Variants in CDH19 observed in about 807,000 individuals in gnomAD.
CDH19 encodes cadherin-19.
Under a neutral mutation model 64.2 loss-of-function variants are expected in CDH19, and 67 were observed. The observed-to-expected ratio is 1.04, with a 90% CI of 0.86 to 1.28. The LOEUF is 1.28. Among genes scored for constraint, CDH19 ranks in the 50% most tolerant of loss-of-function variants. The pLI, the probability that CDH19 is intolerant of heterozygous loss-of-function variation, is 0.00. For missense variants in CDH19, 1,030 were observed against 929.0 expected (o/e 1.11, Z -1.41); for synonymous variants, 346 against 319.3 (o/e 1.08, Z -0.89).
intron 9 of CDH19, among the ~76,000 whole-genome samples, chr18:66,521,456 C>A (rs1225712216): frequency 6.6e-6 from 1 of 152,006 alleles, no homozygotes; most frequent in African/African-American, 2.4e-5. Flanking sequence ...GACAGAATGA[C>A]TTCTTCAGGA....
chr18:66,569,879 A>C (rs1231333618), intron 2 of CDH19, among the ~76,000 whole-genome samples: 2 of 151,640 alleles, frequency 1.3e-5, no homozygotes, highest in East Asian at 3.9e-4. Context: ...CTGATGGCTT[A>C]AGTTATAATT....
chr18:66,531,677 T>G (rs1258088891), intron 8 of CDH19, among the ~76,000 whole-genome samples: 1 of 152,106 alleles, frequency 6.6e-6, no homozygotes, highest in Non-Finnish European at 1.5e-5. Context: ...GACTTGAGTT[T>G]GAATCTTGTT....
At chr18:66,589,359 C>A (rs1988677033) in intron 1 of CDH19, among the ~76,000 whole-genome samples, 1 of 151,542 alleles carries the variant, frequency 6.6e-6, no homozygotes, top group Non-Finnish European at 1.5e-5. Flanking sequence ...GAATTTCTAA[C>A]AGTATTTATT....
chr18:66,565,559 T>C (rs1410021869), intron 3 of CDH19, among the ~76,000 whole-genome samples: 1 of 151,882 alleles, frequency 6.6e-6, no homozygotes, highest in Non-Finnish European at 1.5e-5. Flanking sequence ...TAAATGGCCG[T>C]GGATATAGAA....
intron 8 of CDH19, among the ~76,000 whole-genome samples, chr18:66,531,171 G>C (rs1986431174): frequency 6.6e-6 from 1 of 151,310 alleles, no homozygotes; most frequent in Admixed American, 6.6e-5. Context: ...ACAGTCTAAG[G>C]TATCAGTATT....
intron 3 of CDH19, among the ~76,000 whole-genome samples, chr18:66,564,464 G>C (rs1340858257): frequency 6.6e-6 from 1 of 151,742 alleles, no homozygotes. Flanking sequence ...TAAAAATGAT[G>C]CCCTCAGTGA....
At chr18:66,571,047 G>A (rs985186884) in intron 2 of CDH19, among the ~76,000 whole-genome samples, 1 of 151,504 alleles carries the variant, frequency 6.6e-6, no homozygotes, top group Non-Finnish European at 1.5e-5. Flanking sequence ...AGTCTGAGTC[G>A]AAAATAAAAG....
intron 5 of CDH19, among the ~76,000 whole-genome samples, chr18:66,549,261 A>G (rs973069564): frequency 3.9e-5 from 6 of 152,172 alleles, no homozygotes; most frequent in African/African-American, 1.4e-4. Flanking sequence ...AAACTGAGAA[A>G]GGTAGTAGAA....
At chr18:66,532,766 T>A in intron 8 of CDH19, 1 of 449,518 alleles carries the variant, frequency 2.2e-6, no homozygotes, top group African/African-American at 2.0e-5. Flanking sequence ...TGTTCTAAGT[T>A]GTAGAACTAC....
rs147084243 is a variant in CDH19, at chr18:66,534,060, T to C, written c.1336+926A>G. Reference sequence around the variant, plus strand: ...AAAAATGAAAATTTGTTATCCAGTGTTATAAAAGCTTGTTCCAACAAGTTT... The same window carrying C: ...AAAAATGAAAATTTGTTATCCAGTGCTATAAAAGCTTGTTCCAACAAGTTT... On this transcript the variant is annotated intron_variant, in intron 8 of 11. Transcript: ENST00000262150. Among the ~76,000 whole-genome samples, 9 of 152,044 alleles carry C rather than the reference T, an allele frequency of 5.9e-5. No individual in the cohort carries two copies. The East Asian group carries it at 1.7e-3, about 29-fold the overall frequency.
chr18:66,563,121 T>C (rs1303180741), intron 3 of CDH19, among the ~76,000 whole-genome samples: 1 of 152,076 alleles, frequency 6.6e-6, no homozygotes, highest in African/African-American at 2.4e-5. Context: ...TGAAAAATTT[T>C]CCTATGCAGA....
intron 1 of CDH19, among the ~76,000 whole-genome samples, chr18:66,589,045 C>G (rs1349900005): frequency 6.6e-6 from 1 of 151,642 alleles, no homozygotes; most frequent in Non-Finnish European, 1.5e-5. Flanking sequence ...ATTTCATGAA[C>G]CTTCAAATAA....
chr18:66,558,103 C>T (rs990692370), intron 3 of CDH19, among the ~76,000 whole-genome samples: 1 of 150,630 alleles, frequency 6.6e-6, no homozygotes, highest in Non-Finnish European at 1.5e-5. Flanking sequence ...GACATAGCGC[C>T]ATTGCACTCC....
intron 1 of CDH19, among the ~76,000 whole-genome samples, chr18:66,585,076 C>A (rs766778782): frequency 6.6e-6 from 1 of 151,902 alleles, no homozygotes; most frequent in Non-Finnish European, 1.5e-5. Flanking sequence ...CCGTTGAATA[C>A]AAACATTAAA....
At chr18:66,505,909 A>G (rs539846821) in intron 11 of CDH19, among the ~76,000 whole-genome samples, 41 of 152,100 alleles carry the variant, frequency 2.7e-4, no homozygotes, top group African/African-American at 8.9e-4. Context: ...CCTATTATAG[A>G]TGAGAAAACT....
intron 3 of CDH19, among the ~76,000 whole-genome samples, chr18:66,560,021 G>A (rs932421355): frequency 6.6e-6 from 1 of 151,822 alleles, no homozygotes; most frequent in African/African-American, 2.4e-5. Context: ...TTTTTTGTTT[G>A]TTTGTTTCTT....
chr18:66,584,988 TAAAC>T (rs1249160678), intron 1 of CDH19, among the ~76,000 whole-genome samples: 1 of 152,050 alleles, frequency 6.6e-6, no homozygotes, highest in Admixed American at 6.6e-5. Context: ...AAAAGCACTG[TAAAC>T]ACTCTCAATA....
intron 1 of CDH19, among the ~76,000 whole-genome samples, chr18:66,590,969 A>AT (rs201867281): frequency 0.02 from 3,050 of 151,626 alleles, 36 homozygotes; most frequent in Middle Eastern, 0.062. Context: ...ATCAGCAGTG[A>AT]TTTTTTTTAT....
intron 1 of CDH19, among the ~76,000 whole-genome samples, chr18:66,581,542 A>C (rs1014721789): frequency 6.6e-6 from 1 of 152,046 alleles, no homozygotes; most frequent in African/African-American, 2.4e-5. Flanking sequence ...GGCTAGAACA[A>C]AGCAGGTGGA....
Sources: gnomAD v4.1 joint callset for allele counts (sites outside exome capture counted in the v4.1 genomes callset) on GRCh38, gnomAD v4.1.1 for gene constraint, MANE v1.5 for transcripts, NCBI Gene and HGNC (gene_info 2026-07-23, HGNC 2026-07-21) for gene names.